SORCS3: variants seen among roughly 807,000 people sequenced by gnomAD.
SORCS3 encodes the protein sortilin related VPS10 domain containing receptor 3.
SORCS3 carries 57 observed loss-of-function variants against 146.3 expected under a neutral mutation model. The observed-to-expected ratio is 0.39, with a 90% CI of 0.31 to 0.49. The LOEUF (loss-of-function observed/expected upper bound fraction) is 0.49. Ranked by LOEUF, SORCS3 falls within the 20% of genes least tolerant of loss-of-function variation. The pLI is 0.92. For missense variants in SORCS3, 1,341 were observed against 1,575.5 expected, an observed-to-expected ratio of 0.85 and a Z score of 2.52; for synonymous variants, 653 against 618.5, an observed-to-expected ratio of 1.06 and a Z score of -0.83.
chr10:104,921,375 A>G (rs1404824328), intron 3 of SORCS3, among the ~76,000 whole-genome samples: 1 of 152,180 alleles, frequency 6.6e-6, no homozygotes, highest in Non-Finnish European at 1.5e-5. Flanking sequence ...CTCTGGCTCC[A>G]AAGTGACTGC....
At chr10:105,259,108 G>A (rs1179296707) in intron 25 of SORCS3, among the ~76,000 whole-genome samples, 4 of 152,076 alleles carry the variant, frequency 2.6e-5, no homozygotes, top group African/African-American at 9.7e-5. Context: ...AGTCTCCTTT[G>A]CTTCTTTCAT....
intron 1 of SORCS3, among the ~76,000 whole-genome samples, chr10:104,762,425 C>T (rs2017131671): frequency 6.6e-6 from 1 of 152,202 alleles, no homozygotes; most frequent in South Asian, 2.1e-4. Flanking sequence ...ACGATGCCAG[C>T]TGGCTGCGGC....
intron 3 of SORCS3, among the ~76,000 whole-genome samples, chr10:104,956,230 T>C (rs1034131358): frequency 6.6e-6 from 1 of 152,108 alleles, no homozygotes; most frequent in African/African-American, 2.4e-5. Flanking sequence ...GACTAAAGAG[T>C]TGGCTCTCTA....
At chr10:104,972,860 A>G (rs2054869230) in intron 3 of SORCS3, among the ~76,000 whole-genome samples, 1 of 152,072 alleles carries the variant, frequency 6.6e-6, no homozygotes, top group South Asian at 2.1e-4. Context: ...TTATTTTGAG[A>G]TATGTCCCAT....
intron 17 of SORCS3, among the ~76,000 whole-genome samples, chr10:105,211,528 T>C (rs144214113): frequency 1.4e-4 from 22 of 152,344 alleles, no homozygotes; most frequent in African/African-American, 5.3e-4. Context: ...TGGAAGGTCA[T>C]GTAGTCTTAT....
intron 3 of SORCS3, among the ~76,000 whole-genome samples, chr10:104,974,303 T>C (rs1292021739): frequency 6.6e-6 from 1 of 152,154 alleles, no homozygotes; most frequent in African/African-American, 2.4e-5. Context: ...GGTGTTAAAG[T>C]CTCCCATTAT....
At chr10:105,242,618 T>TTATATATATTTATATACATTTA in intron 20 of SORCS3, among the ~76,000 whole-genome samples, 2 of 100,622 alleles carry the variant, frequency 2.0e-5, no homozygotes, top group Non-Finnish European at 3.5e-5. Flanking sequence ...TTATATATAT[T>TTATATATATTTATATACATTTA]TATATATATT....
intron 2 of SORCS3, among the ~76,000 whole-genome samples, chr10:104,859,608 A>T (rs1589526498): frequency 6.6e-6 from 1 of 152,226 alleles, no homozygotes; most frequent in East Asian, 1.9e-4. Flanking sequence ...CAGCAAAAGA[A>T]ACTACCATCA....
intron 5 of SORCS3, among the ~76,000 whole-genome samples, chr10:105,061,489 G>T (rs544155395): frequency 1.8e-3 from 279 of 151,854 alleles, no homozygotes; most frequent in Non-Finnish European, 2.9e-3. Flanking sequence ...TAGAGACAGG[G>T]TTTCACCGTG....
chr10:105,048,061 T>C (rs1221573789), intron 5 of SORCS3, among the ~76,000 whole-genome samples: 1 of 151,732 alleles, frequency 6.6e-6, no homozygotes, highest in Non-Finnish European at 1.5e-5. Flanking sequence ...TGTGGAGAAA[T>C]AGGAACACTT....
chr10:105,060,846 A>G (rs2055480914), intron 5 of SORCS3, among the ~76,000 whole-genome samples: 1 of 152,046 alleles, frequency 6.6e-6, no homozygotes, highest in Non-Finnish European at 1.5e-5. Flanking sequence ...CTGAGACAGG[A>G]GAATCCCTTC....
chr10:104,978,434 A>G (rs1008088244), intron 4 of SORCS3, among the ~76,000 whole-genome samples: 1 of 152,222 alleles, frequency 6.6e-6, no homozygotes, highest in African/African-American at 2.4e-5. Context: ...TGTCTCTTGT[A>G]TGCCTCAAAA....
chr10:104,757,066 G>GTTTTTTTTTTTTTTTTTT (rs35550035), intron 1 of SORCS3, among the ~76,000 whole-genome samples: 4 of 83,986 alleles, frequency 4.8e-5, no homozygotes, highest in African/African-American at 4.6e-5. Context: ...CAAGTTAAGG[G>GTTTTTTTTTTTTTTTTTT]TTTTTTTTTT....
chr10:104,729,853 G>T (rs568388750), intron 1 of SORCS3, among the ~76,000 whole-genome samples: 91 of 152,210 alleles, frequency 6.0e-4, no homozygotes, highest in Non-Finnish European at 1.0e-3. Context: ...GTAGGGGAAA[G>T]CACATGACAA....
At chr10:105,096,636 A>C (rs2055748572) in intron 6 of SORCS3, among the ~76,000 whole-genome samples, 1 of 152,168 alleles carries the variant, frequency 6.6e-6, no homozygotes, top group Non-Finnish European at 1.5e-5. Context: ...GGCTGCACAG[A>C]AGAGGCCATA....
At chr10:105,053,422 A>G (rs1416363514) in intron 5 of SORCS3, among the ~76,000 whole-genome samples, 5 of 152,176 alleles carry the variant, frequency 3.3e-5, no homozygotes, top group Admixed American at 6.5e-5. Flanking sequence ...TAAAAGACAC[A>G]GACACACACT....
intron 1 of SORCS3, among the ~76,000 whole-genome samples, chr10:104,822,803 A>G (rs2017889598): frequency 1.3e-5 from 2 of 152,128 alleles, no homozygotes; most frequent in South Asian, 4.1e-4. Context: ...TATGGGACCA[A>G]TCTCTGGCGA....
At chr10:104,768,168 C>T (rs2017204248) in intron 1 of SORCS3, among the ~76,000 whole-genome samples, 3 of 152,214 alleles carry the variant, frequency 2.0e-5, no homozygotes, top group Non-Finnish European at 4.4e-5. Context: ...TAAAGTACAG[C>T]TTCTTGAGCT....
chr10:105,076,813 G>T (rs703460), intron 5 of SORCS3, among the ~76,000 whole-genome samples: 104,798 of 152,096 alleles, frequency 0.69, 36,333 homozygotes, highest in East Asian at 0.84. Flanking sequence ...TTTGCCAAGC[G>T]ACTGTTTGTC....
Sources: gnomAD v4.1 joint callset for allele counts (sites outside exome capture counted in the v4.1 genomes callset) on GRCh38, gnomAD v4.1.1 for gene constraint, MANE v1.5 for transcripts, NCBI Gene and HGNC (gene_info 2026-07-23, HGNC 2026-07-21) for gene names.